Variants in PASD1 observed in about 807,000 individuals in gnomAD.
PASD1 encodes the protein circadian clock protein PASD1.
A neutral mutation model predicts 58.8 loss-of-function variants in PASD1; 13 were observed. The ratio of observed to expected loss-of-function variants is 0.22; its 90% confidence interval spans 0.14 to 0.35. The LOEUF is 0.35. Ranked by LOEUF, PASD1 falls within the 10% of genes least tolerant of loss-of-function variation. The pLI, the probability that PASD1 is intolerant of heterozygous loss-of-function variation, is 1.00. For synonymous variants in PASD1, 236 were observed against 216.7 expected, an observed-to-expected ratio of 1.09 and a Z score of -0.78; for missense variants, 734 against 568.3, an observed-to-expected ratio of 1.29 and a Z score of -2.96.
intron 10 of PASD1, among the ~76,000 whole-genome samples, chrX:151,661,795 G>A (rs756479204): frequency 4.5e-5 from 5 of 110,812 alleles, no homozygotes; most frequent in Non-Finnish European, 9.5e-5. Flanking sequence ...TGAAGGATAT[G>A]GGCCAGGTAT....
intron 11 of PASD1, among the ~76,000 whole-genome samples, chrX:151,669,292 T>C (rs1189477109): frequency 9.2e-6 from 1 of 108,173 alleles, no homozygotes; most frequent in Middle Eastern, 4.8e-3. Flanking sequence ...TATTATGTTG[T>C]ACATAGTTTT....
intron 1 of PASD1, among the ~76,000 whole-genome samples, chrX:151,600,868 A>C (rs1385482251): frequency 8.9e-6 from 1 of 112,009 alleles, no homozygotes; most frequent in African/African-American, 3.2e-5. Flanking sequence ...CTTAGAGAAC[A>C]TTTAAAGGAT....
chrX:151,611,791 G>T (rs773271952), intron 4 of PASD1, 38 bp downstream of exon 4: 2 of 1,049,892 alleles, frequency 1.9e-6, no homozygotes, highest in Non-Finnish European at 2.6e-6. Flanking sequence ...GGATCATTCT[G>T]GTTTGTTGTT....
chrX:151,613,989 C>CT lies in PASD1; in HGVS notation c.207+2248dup, dbSNP rs374439982. ...ATATAGTAGAAGAAGCGAGGGAGCT[C>CT]TTTTTTTTTTTTAAGATTGGGTCTC... On this transcript the variant is annotated intron_variant, in intron 4 of 15. Transcript: ENST00000370357. Among the ~76,000 whole-genome samples the CT allele has an allele frequency of 1.0e-2, 1,025 of 102,685 alleles. 17 individuals carry two copies. Among genetic ancestry groups the CT allele is most frequent in the African/African-American group, 0.034 (971 of 28,448 alleles). The allele number at this position is 102,685 out of a possible 115,157, so 89.2% of individuals were successfully genotyped here.
rs1004054618 is a variant in PASD1 at position 151,615,435 on chromosome X, T to C, written c.207+3682T>C. ...TAAAAATAAATGTATAACTATTACATTTGTACATAAACATTAAATGGGAAT... is the reference window on the plus strand; with the variant it reads ...TAAAAATAAATGTATAACTATTACACTTGTACATAAACATTAAATGGGAAT... On this transcript the variant is annotated intron_variant, in intron 4 of 15. Coordinates refer to ENST00000370357, the MANE Select transcript of PASD1 (RefSeq NM_173493.3). 2.7e-5 allele frequency among the ~76,000 whole-genome samples: 3 copies of C among 111,774 alleles called. No individual in the cohort carries two copies. The East Asian group carries it at 8.3e-4, about 31-fold the overall frequency.
chrX:151,631,707 T>C (rs189047014), intron 8 of PASD1, among the ~76,000 whole-genome samples: 9 of 111,686 alleles, frequency 8.1e-5, no homozygotes, highest in African/African-American at 2.9e-4. Flanking sequence ...TGTTCCTGCC[T>C]AATTCCTCTT....
intron 7 of PASD1, among the ~76,000 whole-genome samples, chrX:151,624,618 T>G (rs1407106467): frequency 9.0e-6 from 1 of 111,365 alleles, no homozygotes; most frequent in African/African-American, 3.3e-5. Context: ...ACTCAGTAAA[T>G]GTGAGCTATT....
intron 10 of PASD1, among the ~76,000 whole-genome samples, chrX:151,661,355 T>A (rs2014308269): frequency 9.0e-6 from 1 of 111,526 alleles, no homozygotes; most frequent in Admixed American, 9.5e-5. Flanking sequence ...CATGGTAAGG[T>A]ATGCAACCCC....
intron 8 of PASD1, among the ~76,000 whole-genome samples, chrX:151,646,159 C>G (rs1231137563): frequency 8.9e-6 from 1 of 111,797 alleles, no homozygotes; most frequent in Non-Finnish European, 1.9e-5. Context: ...ATCCTCCCAC[C>G]TTGGCCTCCC....
At chrX:151,600,329 G>A (rs1359833994) in intron 1 of PASD1, among the ~76,000 whole-genome samples, 2 of 109,881 alleles carry the variant, frequency 1.8e-5, no homozygotes, top group African/African-American at 3.3e-5. Context: ...GGGAGGGGGA[G>A]GGGGAGAGAT....
In PASD1 at chrX:151,620,941, G is replaced by C. The variant is rs779829971; in HGVS notation, c.219G>C (p.Val73=). Residue 73 remains valine (V), a synonymous_variant, in exon 5 of 16, where the codon GTG becomes GTC. Coordinates refer to ENST00000370357, the MANE Select transcript of PASD1 (RefSeq NM_173493.3). ...TCCTCTCCTGCCAGGCTGAGATTGT[G>C]GGCAAAAAATTATTAAGCCTTCTGC... The part of the protein sequence containing the change: ...SLLGHLPAEI[V]GKKLLSLLPD... 2.5e-6 allele frequency: 3 copies of C among 1,204,916 alleles called. No individual in the cohort carries two copies. The Admixed American group carries it at 6.6e-5, about 26-fold the overall frequency.
intron 9 of PASD1, among the ~76,000 whole-genome samples, chrX:151,654,855 T>TTTA (rs1171207538): frequency 9.0e-6 from 1 of 110,831 alleles, no homozygotes; most frequent in Non-Finnish European, 1.9e-5. Flanking sequence ...TGTTTTTCTT[T>TTTA]TTATTATTAT....
At chrX:151,617,947 G>A (rs748910014) in intron 4 of PASD1, among the ~76,000 whole-genome samples, 4 of 112,042 alleles carry the variant, frequency 3.6e-5, no homozygotes, top group Admixed American at 1.9e-4. Context: ...ATTGTTTATC[G>A]TGTGTTAGAT....
Position 151,649,303 on chromosome X carries a change from G to A in PASD1, c.717+601G>A, listed in dbSNP as rs191183523. Among the ~76,000 whole-genome samples the A allele has an allele frequency of 8.0e-4, 89 of 111,808 alleles. 1 individual carries two copies. The highest frequency in any genetic ancestry group is 2.8e-3 in the African/African-American group (86 of 30,726). On this transcript the variant is annotated intron_variant, in intron 9 of 15. Transcript: ENST00000370357. ...TTCCTCACCTTACATGCCACTCTATGGGTATATGTACCATAGCTGATAGGC... is the reference window on the plus strand; with the variant it reads ...TTCCTCACCTTACATGCCACTCTATAGGTATATGTACCATAGCTGATAGGC...
In PASD1 at chrX:151,671,707, C is replaced by CTGTGGTTTA; in HGVS notation, c.1367_1375dup (p.Cys456_Leu458dup). On this transcript the variant is annotated inframe_insertion, in exon 13 of 16. Transcript: ENST00000370357. ...CACATCCCAAGGACGTCAAGTGTTT[C>CTGTGGTTTA]TGTGGTTTATCTTTATCCAACTCTC... 1 of 1,210,792 alleles carries CTGTGGTTTA rather than the reference C, an allele frequency of 8.3e-7. No homozygotes were observed. Among genetic ancestry groups the CTGTGGTTTA allele is most frequent in the Non-Finnish European group, 1.1e-6 (1 of 894,450 alleles).
intron 1 of PASD1, among the ~76,000 whole-genome samples, chrX:151,570,498 G>A (rs1013890769): frequency 8.9e-6 from 1 of 112,331 alleles, no homozygotes; most frequent in African/African-American, 3.2e-5. Context: ...AAGAAGCCTG[G>A]CTCGTTCCCA....
intron 9 of PASD1, among the ~76,000 whole-genome samples, chrX:151,653,307 C>T (rs1332439857): frequency 9.2e-6 from 1 of 109,288 alleles, no homozygotes; most frequent in African/African-American, 3.3e-5. Context: ...ATTCTCCAGC[C>T]TCAGCCTCCC....
intron 1 of PASD1, among the ~76,000 whole-genome samples, chrX:151,600,775 C>G (rs1386533835): frequency 8.9e-6 from 1 of 111,920 alleles, no homozygotes; most frequent in Non-Finnish European, 1.9e-5. Flanking sequence ...TATTTTTTAT[C>G]TAGGAGAGCA....
intron 8 of PASD1, among the ~76,000 whole-genome samples, chrX:151,632,846 A>C (rs907328852): frequency 1.4e-4 from 15 of 111,046 alleles, no homozygotes; most frequent in Admixed American, 3.8e-4. Context: ...GATGAAGATA[A>C]TTACTGCAGA....
Sources: allele counts gnomAD v4.1 joint callset (sites outside exome capture counted in the v4.1 genomes callset), GRCh38; gene constraint gnomAD v4.1.1; transcripts MANE v1.5; gene names NCBI Gene and HGNC (gene_info 2026-07-23, HGNC 2026-07-21).